Variants in LRRC10 observed in about 807,000 individuals in gnomAD.
LRRC10 encodes the protein leucine rich repeat containing 10.
Under a neutral mutation model 11.1 loss-of-function variants are expected in LRRC10, and 6 were observed. That is an observed-to-expected ratio of 0.54 (90% CI 0.30 to 1.07). The LOEUF is 1.07. Among genes scored for constraint, LRRC10 ranks in the 50% least tolerant of loss-of-function variants. The pLI is 0.07. For synonymous variants in LRRC10, 145 were observed against 153.6 expected, an observed-to-expected ratio of 0.94 and a Z score of 0.41; for missense variants, 320 against 355.5, an observed-to-expected ratio of 0.90 and a Z score of 0.80.
In LRRC10 at chr12:69,609,055, G is replaced by A. The variant is rs1418496656; in HGVS notation, c.*950C>T. 6.6e-6 allele frequency: 1 copy of A among 152,238 alleles called. No homozygotes were observed. Among genetic ancestry groups the A allele is most frequent in the Non-Finnish European group, 1.5e-5 (1 of 68,060 alleles). 9.4% of individuals were successfully genotyped at this position (152,238 alleles called of 1,614,324 possible). On this transcript the variant is annotated 3_prime_UTR_variant, in exon 1 of 1. Coordinates refer to ENST00000361484, the MANE Select transcript of LRRC10 (RefSeq NM_201550.4). The stretch of plus-strand genomic sequence containing the variant: ...TAGGGAAAATGAACTAAATCAGCAT[G>A]AGCCACTGTCAAGTTTAAGGTGACA...
In LRRC10 at chr12:69,610,698, G is replaced by A. The variant is rs373230856; in HGVS notation, c.141C>T (p.His47=). The change falls in exon 1 of 1, where the codon CAC becomes CAT. Residue 47 remains histidine, a synonymous_variant. Coordinates refer to ENST00000361484, the MANE Select transcript of LRRC10 (RefSeq NM_201550.4). ...TGACCAGCTCCCTGAAGGAGCACAC[G>A]TGCAGGGGGAAGCGGCGTAACTGGC... is the stretch of plus-strand genomic sequence containing the variant. ...SGSQLRRFPL[H]VCSFRELVKL... is the part of the protein sequence containing the mutation. 46 of 1,614,174 alleles carry A rather than the reference G, an allele frequency of 2.8e-5. 1 individual carries two copies. Among genetic ancestry groups the A allele is most frequent in the South Asian group, 6.6e-5 (6 of 91,072 alleles).
At position 69,609,733 on chromosome 12, in the gene LRRC10, A is replaced by G. The variant is rs1882334657; in HGVS notation, c.*272T>C. 3 of 471,754 alleles carry G rather than the reference A, an allele frequency of 6.4e-6. No homozygotes were observed. The highest frequency in any genetic ancestry group is 7.7e-6 in the Non-Finnish European group (2 of 260,450). The allele number at this position is 471,754 out of a possible 1,614,324, so 29.2% of individuals were successfully genotyped here. On this transcript the variant is annotated 3_prime_UTR_variant, in exon 1 of 1. Coordinates refer to ENST00000361484, the MANE Select transcript of LRRC10 (RefSeq NM_201550.4). The stretch of plus-strand genomic sequence containing the variant: ...CCCTTTTGCTCTTCAGTGTTTCAAA[A>G]TACATGTGTGGAGAAGCTGTTTTCT...
rs367890651 is a variant in LRRC10, at chr12:69,610,202, T to C, written c.637A>G (p.Ser213Gly). ...TGGTCATAGATGACCAGCTTCAGAC[T>C]TGACAGGTGCGCCAGGCTGGGGAAG... ...RYFPSLAHLS[S>G]LKLVIYDHNP... Residue 213 changes from serine (S) to glycine (G), a missense_variant, in exon 1 of 1, where the codon AGT becomes GGT. Ser to Gly is a moderately conservative substitution (Grantham distance 56). Coordinates refer to ENST00000361484, the MANE Select transcript of LRRC10 (RefSeq NM_201550.4). 1.9e-6 allele frequency: 3 copies of C among 1,614,112 alleles called. No homozygotes were observed. The African/African-American group carries it at 4.0e-5, about 22-fold the overall frequency.
chr12:69,610,063 C>A lies in LRRC10; in HGVS notation c.776G>T (p.Arg259Ile). Residue 259 changes from arginine to isoleucine, a missense_variant, in exon 1 of 1, where the codon AGA (arginine) becomes ATA (isoleucine). Physicochemically the swap from Arg to Ile is moderately conservative, Grantham distance 97. Transcript: ENST00000361484. ...TGCCTGTAGCTCCTGGCTTTCCTCT[C>A]TGACCAACGCATAGCGCCTGGCTTT... ...PRKARRYALV[R>I]EESQELQAPV... The A allele has an allele frequency of 1.2e-6, 2 of 1,614,236 alleles. No homozygotes were observed. Among genetic ancestry groups the A allele is most frequent in the Non-Finnish European group, 1.7e-6 (2 of 1,180,046 alleles).
chr12:69,610,828 G>T lies in LRRC10; in HGVS notation c.11C>A (p.Thr4Asn). Residue 4 changes from threonine to asparagine, a missense_variant, in exon 1 of 1, where the codon ACC becomes AAC. Transcript: ENST00000361484. The stretch of plus-strand genomic sequence containing the variant: ...GATGAAGGCCACGAGGGCCCTGATG[G>T]TGTTCCCCATGCGGAGGCTGGGGGC... MGNTIRALVAFIPA... is the reference protein window; with the variant it reads MGNNIRALVAFIPA... 6.2e-7 allele frequency: 1 copy of T among 1,603,104 alleles called. No homozygotes were observed. Among genetic ancestry groups the T allele is most frequent in the Non-Finnish European group, 8.5e-7 (1 of 1,174,402 alleles).
chr12:69,610,346 G>A lies in LRRC10; in HGVS notation c.493C>T (p.Arg165Cys), dbSNP rs768113431. The change falls in exon 1 of 1, where the codon CGC (arginine) becomes TGC (cysteine). Residue 165 changes from arginine to cysteine, a missense_variant. Coordinates refer to ENST00000361484, the MANE Select transcript of LRRC10 (RefSeq NM_201550.4). The stretch of plus-strand genomic sequence containing the variant: ...CAGATGGTCCTCAGCTCCTGGAGGC[G>A]CCGGAGCTGGCCTGGCAGCAAACGC... ...ALRLLPGQLR[R>C]LQELRTIWLS... 4.3e-6 allele frequency: 7 copies of A among 1,613,168 alleles called. No homozygotes were observed. The highest frequency in any genetic ancestry group is 2.2e-5 in the East Asian group (1 of 44,870).
rs1455525209 is a variant in LRRC10 at position 69,609,201 on chromosome 12, T to C, written c.*804A>G. Reference sequence around the variant, plus strand: ...TTGGGCAACATAGCAAGACCTCATCTCTACGAAAAAATTAAAGACTTAGCC... The same window carrying C: ...TTGGGCAACATAGCAAGACCTCATCCCTACGAAAAAATTAAAGACTTAGCC... On this transcript the variant is annotated 3_prime_UTR_variant, in exon 1 of 1. Coordinates refer to ENST00000361484, the MANE Select transcript of LRRC10 (RefSeq NM_201550.4). 3 of 152,412 alleles carry C rather than the reference T, an allele frequency of 2.0e-5. No homozygotes were observed. Among genetic ancestry groups the C allele is most frequent in the Non-Finnish European group, 2.9e-5 (2 of 68,236 alleles). 9.4% of individuals were successfully genotyped at this position (152,412 alleles called of 1,614,324 possible).
At position 69,608,631 on chromosome 12, in the gene LRRC10, G is replaced by A. The variant is rs1882309072; in HGVS notation, c.*1374C>T. 1 of 152,104 alleles carries A rather than the reference G, an allele frequency of 6.6e-6. No homozygotes were observed. The allele number at this position is 152,104 out of a possible 1,614,324, so 9.4% of individuals were successfully genotyped here. A position where few individuals can be genotyped will look rare whatever the true frequency, so the allele number is the denominator to read the frequency against. On this transcript the variant is annotated 3_prime_UTR_variant, in exon 1 of 1. Transcript: ENST00000361484. ...ATACTTCCAAAAAACAAAATACCTT[G>A]GTTTATACATTGTCAAAACAGTCTG...
Position 69,609,734 on chromosome 12 carries a change from T to C in LRRC10, c.*271A>G. On this transcript the variant is annotated 3_prime_UTR_variant, in exon 1 of 1. Coordinates refer to ENST00000361484, the MANE Select transcript of LRRC10 (RefSeq NM_201550.4). ...CCTTTTGCTCTTCAGTGTTTCAAAA[T>C]ACATGTGTGGAGAAGCTGTTTTCTT... is the stretch of plus-strand genomic sequence containing the variant. The C allele has an allele frequency of 2.1e-6, 1 of 474,244 alleles. No individual in the cohort carries two copies. Among genetic ancestry groups the C allele is most frequent in the South Asian group, 2.8e-5 (1 of 35,876 alleles). 29.4% of individuals were successfully genotyped at this position (474,244 alleles called of 1,614,324 possible). A position where few individuals can be genotyped will look rare whatever the true frequency, so the allele number is the denominator to read the frequency against.
In LRRC10 at chr12:69,610,824, G is replaced by A; in HGVS notation, c.15C>T (p.Ile5=). MGNT[I]RALVAFIPAD... ...CAGGGATGAAGGCCACGAGGGCCCT[G>A]ATGGTGTTCCCCATGCGGAGGCTGG... Residue 5 remains isoleucine (I), a synonymous_variant, in exon 1 of 1, where the codon ATC becomes ATT. Coordinates refer to ENST00000361484, the MANE Select transcript of LRRC10 (RefSeq NM_201550.4). 6.2e-7 allele frequency: 1 copy of A among 1,605,296 alleles called. No homozygotes were observed. The highest frequency in any genetic ancestry group is 8.5e-7 in the Non-Finnish European group (1 of 1,175,444).
Position 69,610,010 on chromosome 12 carries a change from A to C in LRRC10, c.829T>G (p.Ser277Ala). 6.2e-7 allele frequency: 1 copy of C among 1,613,688 alleles called. No individual in the cohort carries two copies. Among genetic ancestry groups the C allele is most frequent in the Non-Finnish European group, 8.5e-7 (1 of 1,179,738 alleles). The part of the protein sequence containing the change: ...APVPLLPPTN[S>A] ...TGACTTGCAACTGAAGCTCCTCAGG[A>C]GTTGGTAGGAGGAAGTAGAGGGACT... Residue 277 changes from serine (S) to alanine (A), a missense_variant, in exon 1 of 1, where the codon TCC (serine) becomes GCC (alanine). Physicochemically the swap from Ser to Ala is moderately conservative, Grantham distance 99. Coordinates refer to ENST00000361484, the MANE Select transcript of LRRC10 (RefSeq NM_201550.4).
Position 69,609,984 on chromosome 12 carries a change from T to A in LRRC10, c.*21A>T, listed in dbSNP as rs757317290. On this transcript the variant is annotated 3_prime_UTR_variant, in exon 1 of 1. Coordinates refer to ENST00000361484, the MANE Select transcript of LRRC10 (RefSeq NM_201550.4). Reference sequence around the variant, plus strand: ...ACATGCTGCAGTTGGGTCCTTGGCATTGACTTGCAACTGAAGCTCCTCAGG... The same window carrying A: ...ACATGCTGCAGTTGGGTCCTTGGCAATGACTTGCAACTGAAGCTCCTCAGG... The A allele has an allele frequency of 1.2e-6, 2 of 1,607,830 alleles. No homozygotes were observed. Among genetic ancestry groups the A allele is most frequent in the South Asian group, 1.1e-5 (1 of 90,568 alleles).
At position 69,610,462 on chromosome 12, in the gene LRRC10, AGG is replaced by A; in HGVS notation, c.375_376del (p.Leu126ValfsTer16). On this transcript the variant is annotated frameshift_variant, in exon 1 of 1. Transcript: ENST00000361484. LOFTEE classifies it high-confidence loss of function. ...GGTGAGGCAGTTGGCCTCGATCCAC[AGG>A]GTCCTGAGGTTCTGGAGCAGGCTCA... 1 of 1,614,122 alleles carries A rather than the reference AGG, an allele frequency of 6.2e-7. No homozygotes were observed. Among genetic ancestry groups the A allele is most frequent in the Non-Finnish European group, 8.5e-7 (1 of 1,180,016 alleles).
chr12:69,610,850 G>A lies in LRRC10; in HGVS notation c.-12C>T. ...ATGGTGTTCCCCATGCGGAGGCTGG[G>A]GGCATGGCGAGCCCCAGAGGACAGA... On this transcript the variant is annotated 5_prime_UTR_variant, in exon 1 of 1. Transcript: ENST00000361484. 6.4e-7 allele frequency: 1 copy of A among 1,565,902 alleles called. No individual in the cohort carries two copies. The highest frequency in any genetic ancestry group is 8.7e-7 in the Non-Finnish European group (1 of 1,155,048).
rs1175282321 is a variant in LRRC10, at chr12:69,608,883, G to A, written c.*1122C>T. The A allele has an allele frequency of 6.6e-6, 1 of 152,224 alleles. No homozygotes were observed. The highest frequency in any genetic ancestry group is 1.5e-5 in the Non-Finnish European group (1 of 68,046). The allele number at this position is 152,224 out of a possible 1,614,324, so 9.4% of individuals were successfully genotyped here. A position where few individuals can be genotyped will look rare whatever the true frequency, so the allele number is the denominator to read the frequency against. On this transcript the variant is annotated 3_prime_UTR_variant, in exon 1 of 1. Transcript: ENST00000361484. The stretch of plus-strand genomic sequence containing the variant: ...GGCTCATTAGTGTGAATAAACAGAA[G>A]GGCTTTGCTTCAGGGAGGTAGACAG...
In LRRC10 at chr12:69,610,212, C is replaced by T. The variant is rs770103230; in HGVS notation, c.627G>A (p.Ala209=). 1.3e-5 allele frequency: 21 copies of T among 1,614,114 alleles called. No individual in the cohort carries two copies. Among genetic ancestry groups the T allele is most frequent in the Admixed American group, 1.7e-5 (1 of 60,010 alleles). Residue 209 remains alanine, a synonymous_variant, in exon 1 of 1, where the codon GCG becomes GCA. Transcript: ENST00000361484. ...WNSIRYFPSL[A]HLSSLKLVIY... ...TGACCAGCTTCAGACTTGACAGGTG[C>T]GCCAGGCTGGGGAAGTAACGGATGC...
rs867657812 is a variant in LRRC10 at position 69,610,133 on chromosome 12, G to A, written c.706C>T (p.Arg236Cys). 4 of 1,614,066 alleles carry A rather than the reference G, an allele frequency of 2.5e-6. No individual in the cohort carries two copies. The highest frequency in any genetic ancestry group is 1.3e-5 in the African/African-American group (1 of 74,936). The change falls in exon 1 of 1, where the codon CGT becomes TGT. Residue 236 changes from arginine to cysteine, a missense_variant. Arg to Cys is a radical substitution (Grantham distance 180). Transcript: ENST00000361484. ...GTCTCCTCTGCCCATCTCCCCACAC[G>A]GCGCACACCTTTGGCCACCTTGGGT... is the stretch of plus-strand genomic sequence containing the variant. ...NAPKVAKGVR[R>C]VGRWAEETPE... is the part of the protein sequence containing the mutation.
Position 69,610,397 on chromosome 12 carries a change from T to G in LRRC10, c.442A>C (p.Thr148Pro). The G allele has an allele frequency of 6.2e-7, 1 of 1,613,290 alleles. No homozygotes were observed. ...DVVCELSLLK[T>P]LHAGSNALRL... is the part of the protein sequence containing the mutation. ...AGGGCGTTGGAGCCGGCATGCAGAG[T>G]CTTAAGGAGACTCAGCTCACAGACC... Residue 148 changes from threonine (T) to proline (P), a missense_variant, in exon 1 of 1, where the codon ACT becomes CCT. By Grantham distance (38) the Thr-to-Pro change is conservative. Transcript: ENST00000361484.
At position 69,608,758 on chromosome 12, in the gene LRRC10, G is replaced by T. The variant is rs1882312334; in HGVS notation, c.*1247C>A. The T allele has an allele frequency of 1.3e-5, 2 of 152,250 alleles. No homozygotes were observed. The highest frequency in any genetic ancestry group is 6.5e-5 in the Admixed American group (1 of 15,284). 9.4% of individuals were successfully genotyped at this position (152,250 alleles called of 1,614,324 possible). A position where few individuals can be genotyped will look rare whatever the true frequency, so the allele number is the denominator to read the frequency against. On this transcript the variant is annotated 3_prime_UTR_variant, in exon 1 of 1. Transcript: ENST00000361484. Reference sequence around the variant, plus strand: ...TTCCTATTCAAATTTCAAAGTGCTTGTTTCAAGAGAACACATTTCTCACCT... The same window carrying T: ...TTCCTATTCAAATTTCAAAGTGCTTTTTTCAAGAGAACACATTTCTCACCT...
Sources: allele counts gnomAD v4.1 joint callset, GRCh38; gene constraint gnomAD v4.1.1; transcripts MANE v1.5; gene names NCBI Gene and HGNC (gene_info 2026-07-23, HGNC 2026-07-21).